ALPL: variants seen among roughly 807,000 people sequenced by gnomAD.
ALPL encodes the protein alkaline phosphatase, biomineralization associated, also known as alkaline phosphatase, tissue-nonspecific isozyme.
A neutral mutation model predicts 51.3 loss-of-function variants in ALPL; 42 were observed. The observed-to-expected ratio is 0.82, with a 90% confidence interval of 0.64 to 1.06. The LOEUF (loss-of-function observed/expected upper bound fraction) is 1.06. ALPL is among the 50% of genes least tolerant of loss of function. ALPL has a pLI of 0.00. For synonymous variants in ALPL, 279 were observed against 296.4 expected (o/e 0.94, Z 0.60); for missense variants, 589 against 709.4 (o/e 0.83, Z 1.93).
chr1:21,516,045 A>AT (rs1437449709), intron 1 of ALPL, among the ~76,000 whole-genome samples: 1 of 151,818 alleles, frequency 6.6e-6, no homozygotes. Context: ...CGCCCCGCTA[A>AT]TTTTTTTTAT....
intron 1 of ALPL, among the ~76,000 whole-genome samples, chr1:21,534,483 A>G (rs1175113762): frequency 1.3e-5 from 2 of 152,222 alleles, no homozygotes; most frequent in Admixed American, 1.3e-4. Flanking sequence ...ACACGGAGTC[A>G]GCGAAGAGGA....
Position 21,575,938 on chromosome 1 carries a change from CT to C in ALPL, c.1189+17del, listed in dbSNP as rs564957546. On this transcript the variant is annotated intron_variant, in intron 10 of 11. Coordinates refer to ENST00000374840, the MANE Select transcript of ALPL (RefSeq NM_000478.6). ...ACTCTATCTTTGGTAGGTGGGCCTT[CT>C]TTGGGGTGGACACTCCTGGGGTCTC... 52 of 1,614,162 alleles carry C rather than the reference CT, an allele frequency of 3.2e-5. No individual in the cohort carries two copies. In the East Asian group the frequency reaches 1.1e-3, roughly 34 times the overall value.
intron 1 of ALPL, among the ~76,000 whole-genome samples, chr1:21,516,353 C>T (rs914393087): frequency 1.3e-5 from 2 of 152,196 alleles, no homozygotes; most frequent in Admixed American, 1.3e-4. Context: ...CTGAGCCCTT[C>T]TATAGCTCCT....
intron 1 of ALPL, among the ~76,000 whole-genome samples, chr1:21,521,422 TGATC>T (rs1419086089): frequency 6.6e-6 from 1 of 152,152 alleles, no homozygotes; most frequent in Admixed American, 6.5e-5. Flanking sequence ...TGACCTCAGG[TGATC>T]CACTTGCCTT....
intron 10 of ALPL, 71 bp downstream of exon 10, chr1:21,575,995 G>A: frequency 6.4e-7 from 1 of 1,567,636 alleles, no homozygotes; most frequent in Non-Finnish European, 8.8e-7. Flanking sequence ...AGGAGTGGGT[G>A]GGAGAGCCAG....
At chr1:21,548,539 G>A (rs1315067631) in intron 1 of ALPL, among the ~76,000 whole-genome samples, 1 of 152,232 alleles carries the variant, frequency 6.6e-6, no homozygotes, top group Non-Finnish European at 1.5e-5. Flanking sequence ...GGCTAGCAGG[G>A]AGGAGAGACA....
At chr1:21,511,839 A>G (rs1643693628) in intron 1 of ALPL, among the ~76,000 whole-genome samples, 1 of 152,188 alleles carries the variant, frequency 6.6e-6, no homozygotes, top group African/African-American at 2.4e-5. Context: ...CAAGCTGGAT[A>G]TGATCTTGGA....
At chr1:21,515,080 C>T (rs1385974588) in intron 1 of ALPL, among the ~76,000 whole-genome samples, 1 of 152,156 alleles carries the variant, frequency 6.6e-6, no homozygotes, top group African/African-American at 2.4e-5. Context: ...TTCAGAGATG[C>T]TTCTTCATCC....
At chr1:21,576,256 TG>T (rs1644732810) in intron 10 of ALPL, among the ~76,000 whole-genome samples, 4 of 37,832 alleles carry the variant, frequency 1.1e-4, no homozygotes, top group African/African-American at 4.0e-4. Context: ...GGATGGATGA[TG>T]GATGGATGGA....
At chr1:21,518,291 A>C (rs911648333) in intron 1 of ALPL, among the ~76,000 whole-genome samples, 6 of 152,196 alleles carry the variant, frequency 3.9e-5, no homozygotes, top group East Asian at 3.9e-4. Flanking sequence ...CATCCATAGT[A>C]GTAATAAGAG....
Position 21,548,175 on chromosome 1 carries a change from G to A in ALPL, c.-104-5803G>A, listed in dbSNP as rs570988686. On this transcript the variant is annotated intron_variant, in intron 1 of 11. Coordinates refer to ENST00000374840, the MANE Select transcript of ALPL (RefSeq NM_000478.6). ...CATTTTAAGCTGGCAGACATTGGCA[G>A]AGGGTGGTGGGCAGCCGGGGCCCCC... Among the ~76,000 whole-genome samples the A allele has an allele frequency of 2.0e-5, 3 of 152,344 alleles. No individual in the cohort carries two copies. In the South Asian group the frequency reaches 6.2e-4, roughly 32 times the overall value.
At chr1:21,536,617 CT>C (rs1418599279) in intron 1 of ALPL, among the ~76,000 whole-genome samples, 1 of 152,150 alleles carries the variant, frequency 6.6e-6, no homozygotes, top group Admixed American at 6.5e-5. Context: ...TTCCCCACCA[CT>C]TCACACCCTC....
At chr1:21,532,922 T>C (rs1173519653) in intron 1 of ALPL, among the ~76,000 whole-genome samples, 1 of 152,216 alleles carries the variant, frequency 6.6e-6, no homozygotes, top group Non-Finnish European at 1.5e-5. Context: ...CAGGTCATGC[T>C]ACCTCTCTGG....
upstream of ALPL, among the ~76,000 whole-genome samples, chr1:21,509,208 C>G (rs1643628791): frequency 6.6e-6 from 1 of 151,730 alleles, no homozygotes; most frequent in Non-Finnish European, 1.5e-5. The surrounding 1 kb of genome is among the most constrained non-coding windows in gnomAD (Gnocchi z 6.0). Context: ...ACGCCAGGGC[C>G]GCGTCACCCC....
At chr1:21,529,120 A>G (rs1643995604) in intron 1 of ALPL, among the ~76,000 whole-genome samples, 1 of 151,970 alleles carries the variant, frequency 6.6e-6, no homozygotes, top group Non-Finnish European at 1.5e-5. Context: ...TGCCTACCCC[A>G]AAGTCATGAA....
intron 1 of ALPL, among the ~76,000 whole-genome samples, chr1:21,553,067 C>CA (rs386366441): frequency 5.3e-5 from 1 of 18,796 alleles, no homozygotes; most frequent in Non-Finnish European, 1.7e-4. Flanking sequence ...TTGGAAAATT[C>CA]AAAAAAATAA....
At chr1:21,560,887 T>A in intron 3 of ALPL, 142 bp downstream of exon 3, 1 of 1,220,914 alleles carries the variant, frequency 8.2e-7, no homozygotes, top group Admixed American at 2.1e-5. Context: ...GGCCAGGCTG[T>A]GGATTCAAGA....
chr1:21,563,020 G>T, intron 4 of ALPL, 90 bp from the exon 5 acceptor site: 2 of 1,544,646 alleles, frequency 1.3e-6, no homozygotes. Flanking sequence ...GGTCCCTCAC[G>T]CCCCAGTCCC....
intron 1 of ALPL, among the ~76,000 whole-genome samples, chr1:21,544,509 G>A (rs1434833972): frequency 6.6e-6 from 1 of 152,220 alleles, no homozygotes; most frequent in African/African-American, 2.4e-5. Context: ...TTGGGAGGCC[G>A]AGGCATGTGG....
Sources: gnomAD v4.1 joint callset for allele counts (sites outside exome capture counted in the v4.1 genomes callset) on GRCh38, gnomAD v4.1.1 for gene constraint, Gnocchi (gnomAD v3.1) non-coding constraint, MANE v1.5 for transcripts, NCBI Gene and HGNC (gene_info 2026-07-23, HGNC 2026-07-21) for gene names.